Variants in ITM2B observed in about 807,000 individuals in gnomAD.
ITM2B encodes the protein integral membrane protein 2B, also known as ABri/ADan amyloid peptide.
In ITM2B, 11 loss-of-function variants were observed where a neutral mutation model predicts 27.8. That is an observed-to-expected ratio of 0.40 (90% CI 0.25 to 0.66). The LOEUF (loss-of-function observed/expected upper bound fraction) is 0.66, where lower values mean the gene tolerates loss of function less well. ITM2B is among the 30% of genes least tolerant of loss of function. The pLI, the probability that ITM2B is intolerant of heterozygous loss-of-function variation, is 0.43. For missense variants in ITM2B, 296 were observed against 328.9 expected (o/e 0.90, Z 0.77); for synonymous variants, 114 against 114.3 (o/e 1.00, Z 0.02).
rs1951871743 is a variant in ITM2B, at chr13:48,269,441, C to G, written c.*8217C>G. On this transcript the variant is annotated 3_prime_UTR_variant, in exon 6 of 6. Coordinates refer to ENST00000647800, the MANE Select transcript of ITM2B (RefSeq NM_021999.5). The stretch of plus-strand genomic sequence containing the variant: ...TAAATCTAAGCCACATCATGTCACT[C>G]CCCTGCTCAAATCCCAACATTTTAT... The G allele has an allele frequency of 6.6e-6, 1 of 151,550 alleles. No individual in the cohort carries two copies. The highest frequency in any genetic ancestry group is 1.5e-5 in the Non-Finnish European group (1 of 67,770). 9.4% of individuals were successfully genotyped at this position (151,550 alleles called of 1,614,324 possible). A position where few individuals can be genotyped will look rare whatever the true frequency, so the allele number is the denominator to read the frequency against.
At chr13:48,244,110 A>G (rs1445606359) in intron 1 of ITM2B, among the ~76,000 whole-genome samples, 2 of 152,192 alleles carry the variant, frequency 1.3e-5, no homozygotes, top group African/African-American at 2.4e-5. Flanking sequence ...TGGTACTTCC[A>G]TAGGGGATCT....
Position 48,258,839 on chromosome 13 carries a change from A to G in ITM2B, c.607A>G (p.Met203Val), listed in dbSNP as rs1185185327. 4.3e-6 allele frequency: 7 copies of G among 1,613,746 alleles called. No individual in the cohort carries two copies. The highest frequency in any genetic ancestry group is 5.9e-6 in the Non-Finnish European group (7 of 1,179,624). ...LPQSYLIHEHMVITDRIENID... is the reference protein window; with the variant it reads ...LPQSYLIHEHVVITDRIENID... ...TCAGTCCTATCTGATTCATGAGCAC[A>G]TGGTTATTACTGATCGCATTGAAAA... The change falls in exon 5 of 6, where the codon ATG (methionine) becomes GTG (valine). Residue 203 changes from methionine (M) to valine (V), a missense_variant. Coordinates refer to ENST00000647800, the MANE Select transcript of ITM2B (RefSeq NM_021999.5).
At chr13:48,246,658 G>A (rs1464031269) in intron 1 of ITM2B, among the ~76,000 whole-genome samples, 1 of 152,180 alleles carries the variant, frequency 6.6e-6, no homozygotes, top group Non-Finnish European at 1.5e-5. Flanking sequence ...TTTATATGGA[G>A]AAGTAGTTTA....
intron 1 of ITM2B, among the ~76,000 whole-genome samples, chr13:48,248,707 G>GA (rs201044763): frequency 9.6e-4 from 146 of 151,766 alleles, no homozygotes; most frequent in Admixed American, 1.6e-3. Context: ...GATGAGCTGG[G>GA]AAAAAAAATC....
intron 1 of ITM2B, among the ~76,000 whole-genome samples, chr13:48,239,914 A>G (rs572690144): frequency 3.9e-5 from 6 of 152,292 alleles, no homozygotes; most frequent in East Asian, 3.9e-4. Context: ...GTTGGGAAAA[A>G]TATCAAAGGA....
intron 1 of ITM2B, among the ~76,000 whole-genome samples, chr13:48,236,783 T>C (rs1199991133): frequency 2.0e-5 from 3 of 152,216 alleles, no homozygotes; most frequent in African/African-American, 7.2e-5. Flanking sequence ...ATGAAACCCC[T>C]TTTCCAGTAT....
rs765319070 is a variant in ITM2B, at chr13:48,267,679, T to C, written c.*6455T>C. The C allele has an allele frequency of 1.2e-4, 18 of 152,252 alleles. No individual in the cohort carries two copies. The highest frequency in any genetic ancestry group is 2.7e-4 in the African/African-American group (11 of 41,460). 9.4% of individuals were successfully genotyped at this position (152,252 alleles called of 1,614,324 possible). A position where few individuals can be genotyped will look rare whatever the true frequency, so the allele number is the denominator to read the frequency against. ...ATTATGTCATATCTAGTACTTCTTATCTAAGTATTTTAAAATTTAGTGTTA... is the reference window on the plus strand; with the variant it reads ...ATTATGTCATATCTAGTACTTCTTACCTAAGTATTTTAAAATTTAGTGTTA... On this transcript the variant is annotated 3_prime_UTR_variant, in exon 6 of 6. Transcript: ENST00000647800.
At chr13:48,258,770 A>G in intron 4 of ITM2B, 27 bp from the exon 5 acceptor site, 1 of 1,607,296 alleles carries the variant, frequency 6.2e-7, no homozygotes, top group Non-Finnish European at 8.5e-7. Flanking sequence ...TGAGATAGTC[A>G]TGTCATGTAT....
At chr13:48,259,260 T>A (rs1238101599) in intron 5 of ITM2B, among the ~76,000 whole-genome samples, 1 of 152,216 alleles carries the variant, frequency 6.6e-6, no homozygotes, top group Non-Finnish European at 1.5e-5. Context: ...AAAGGGTTTT[T>A]ATTATCCAGA....
chr13:48,263,113 C>G lies in ITM2B; in HGVS notation c.*1889C>G, dbSNP rs193255785. On this transcript the variant is annotated 3_prime_UTR_variant, in exon 6 of 6. Coordinates refer to ENST00000647800, the MANE Select transcript of ITM2B (RefSeq NM_021999.5). ...CCAGACTCCCAGGGACCCAAACTTA[C>G]ACTTTACTAAATGTAATTCTTTCAT... 1 of 152,150 alleles carries G rather than the reference C, an allele frequency of 6.6e-6. No individual in the cohort carries two copies. The highest frequency in any genetic ancestry group is 2.4e-5 in the African/African-American group (1 of 41,416). 9.4% of individuals were successfully genotyped at this position (152,150 alleles called of 1,614,324 possible).
chr13:48,258,312 T>C (rs1593396425), intron 4 of ITM2B, 76 bp downstream of exon 4: 1 of 807,210 alleles, frequency 1.2e-6, no homozygotes, highest in Non-Finnish European at 2.2e-6. Flanking sequence ...AAATTAGCCC[T>C]ATAGGAGCCC....
At chr13:48,256,982 G>A (rs74074158) in intron 3 of ITM2B, among the ~76,000 whole-genome samples, 38 of 152,216 alleles carry the variant, frequency 2.5e-4, no homozygotes, top group African/African-American at 8.0e-4. Flanking sequence ...CCCCTTATCC[G>A]TGGGGGATAC....
intron 1 of ITM2B, among the ~76,000 whole-genome samples, chr13:48,247,115 T>C (rs1209768258): frequency 2.0e-5 from 3 of 152,204 alleles, no homozygotes; most frequent in African/African-American, 7.2e-5. Context: ...CATGAGCCAC[T>C]GCGCTTGGCC....
intron 4 of ITM2B, 77 bp downstream of exon 4, chr13:48,258,313 A>G (rs568077885): frequency 1.4e-5 from 11 of 801,996 alleles, no homozygotes; most frequent in African/African-American, 1.2e-4. Flanking sequence ...AATTAGCCCT[A>G]TAGGAGCCCA....
chr13:48,240,996 A>T (rs1243286715), intron 1 of ITM2B, among the ~76,000 whole-genome samples: 1 of 152,172 alleles, frequency 6.6e-6, no homozygotes, highest in Non-Finnish European at 1.5e-5. Flanking sequence ...TTCACTTATT[A>T]GCTTCTTATG....
rs1593396782 is a variant in ITM2B at position 48,259,037 on chromosome 13, A to C, written c.715+90A>C. 1.2e-4 allele frequency: 108 copies of C among 866,632 alleles called. 1 individual carries two copies. The highest frequency in any genetic ancestry group is 5.1e-5 in the African/African-American group (3 of 58,882). The allele number at this position is 866,632 out of a possible 1,614,324, so 53.7% of individuals were successfully genotyped here. On this transcript the variant is annotated intron_variant, in intron 5 of 5. Coordinates refer to ENST00000647800, the MANE Select transcript of ITM2B (RefSeq NM_021999.5). ...GAAGCCTAGTCATTGTTACCAATATACCTGCCATGAGTGAGGTAATATTGT... is the reference window on the plus strand; with the variant it reads ...GAAGCCTAGTCATTGTTACCAATATCCCTGCCATGAGTGAGGTAATATTGT...
chr13:48,258,945 A>C lies in ITM2B; in HGVS notation c.713A>C (p.Lys238Thr), dbSNP rs1951806277. The change falls in exon 5 of 6, where the codon AAA becomes ACA. Residue 238 changes from lysine (K) to threonine (T), a missense_variant and splice_region_variant. Transcript: ENST00000647800. ...TYKLQRRETI[K>T]GIQKREASNC... ...AAACTGCAACGCAGAGAAACTATTA[A>C]AGGTAATACTTTTTAAATATTAAAG... 1 of 1,610,086 alleles carries C rather than the reference A, an allele frequency of 6.2e-7. No homozygotes were observed. Among genetic ancestry groups the C allele is most frequent in the Non-Finnish European group, 8.5e-7 (1 of 1,177,424 alleles).
chr13:48,241,676 A>G (rs1364261750), intron 1 of ITM2B, among the ~76,000 whole-genome samples: 1 of 152,258 alleles, frequency 6.6e-6, no homozygotes, highest in Non-Finnish European at 1.5e-5. Context: ...TAAGAAGACT[A>G]ACAGTAACAT....
intron 4 of ITM2B, 130 bp from the exon 5 acceptor site, chr13:48,258,663 TAAAC>T: frequency 1.2e-6 from 1 of 802,806 alleles, no homozygotes; most frequent in South Asian, 1.4e-5. Flanking sequence ...AGTGAGAACA[TAAAC>T]AAACAGATGG....
Sources: allele counts gnomAD v4.1 joint callset (sites outside exome capture counted in the v4.1 genomes callset), GRCh38; gene constraint gnomAD v4.1.1; transcripts MANE v1.5; gene names NCBI Gene and HGNC (gene_info 2026-07-23, HGNC 2026-07-21).